LINGO2: variants seen among roughly 807,000 people sequenced by gnomAD.
LINGO2 encodes the protein leucine-rich repeat and immunoglobulin-like domain-containing nogo receptor-interacting protein 2.
Under a neutral mutation model 30.6 loss-of-function variants are expected in LINGO2, and 14 were observed. The observed-to-expected ratio is 0.46, with a 90% CI of 0.30 to 0.72. The LOEUF is 0.72. Among genes scored for constraint, LINGO2 ranks in the 30% least tolerant of loss-of-function variants. The pLI is 0.07. For missense variants in LINGO2, 729 were observed against 751.7 expected (o/e 0.97, Z 0.35); for synonymous variants, 317 against 288.5 (o/e 1.10, Z -1.00).
the LINGO2 span, among the ~76,000 whole-genome samples, chr9:28,740,752 A>G: frequency 6.6e-6 from 1 of 152,070 alleles, no homozygotes; most frequent in Non-Finnish European, 1.5e-5. Flanking sequence ...GGATGATTCA[A>G]TTGAGCTAAT....
At chr9:28,848,900 T>A in the LINGO2 span, among the ~76,000 whole-genome samples, 3 of 152,106 alleles carry the variant, frequency 2.0e-5, no homozygotes, top group East Asian at 5.8e-4. Context: ...ATGTTGCAAT[T>A]CTAACCCCTA....
the LINGO2 span, among the ~76,000 whole-genome samples, chr9:28,944,705 C>A: frequency 1.3e-5 from 2 of 152,156 alleles, no homozygotes; most frequent in African/African-American, 4.8e-5. Context: ...CACACCTGGC[C>A]GCTTTTGTTC....
chr9:28,785,629 C>A, the LINGO2 span, among the ~76,000 whole-genome samples: 1 of 149,310 alleles, frequency 6.7e-6, no homozygotes, highest in African/African-American at 2.5e-5. Flanking sequence ...TCTTTCCCTG[C>A]CCTCCCTCCC....
chr9:27,998,542 G>A (rs568118071), intron 5 of LINGO2, among the ~76,000 whole-genome samples: 28 of 152,292 alleles, frequency 1.8e-4, no homozygotes, highest in Admixed American at 1.5e-3. Context: ...ACTTTGGGAT[G>A]CCAAGGCAGG....
At chr9:29,050,520 G>A in the LINGO2 span, among the ~76,000 whole-genome samples, 1 of 152,178 alleles carries the variant, frequency 6.6e-6, no homozygotes, top group African/African-American at 2.4e-5. Context: ...AACGAGACTG[G>A]TTACCTATAG....
chr9:28,631,694 C>T (rs1285165186), intron 1 of LINGO2, among the ~76,000 whole-genome samples: 1 of 152,010 alleles, frequency 6.6e-6, no homozygotes, highest in South Asian at 2.1e-4. Context: ...CAAACAGAAG[C>T]ACATATGTTG....
the LINGO2 span, among the ~76,000 whole-genome samples, chr9:28,815,940 G>A: frequency 2.6e-5 from 4 of 152,130 alleles, no homozygotes; most frequent in Admixed American, 6.5e-5. Context: ...ATAAACAATA[G>A]AAGTTTAATT....
chr9:28,044,943 G>A (rs922126808), intron 4 of LINGO2, among the ~76,000 whole-genome samples: 1 of 152,086 alleles, frequency 6.6e-6, no homozygotes, highest in African/African-American at 2.4e-5. Context: ...AACTGATAAA[G>A]ATGGTTAGAC....
At chr9:28,507,668 G>A (rs1247737849) in intron 1 of LINGO2, among the ~76,000 whole-genome samples, 2 of 152,066 alleles carry the variant, frequency 1.3e-5, no homozygotes, top group African/African-American at 4.8e-5. Context: ...AAAACTTTAT[G>A]TATTGGTATT....
chr9:27,995,366 C>T (rs112287868), intron 5 of LINGO2, among the ~76,000 whole-genome samples: 4 of 152,186 alleles, frequency 2.6e-5, no homozygotes, highest in African/African-American at 9.6e-5. Context: ...AAAAGAAATA[C>T]TTCTAAACTC....
At chr9:28,868,069 ATCTTTCCT>A in the LINGO2 span, among the ~76,000 whole-genome samples, 194 of 152,184 alleles carry the variant, frequency 1.3e-3, no homozygotes, top group African/African-American at 4.4e-3. Context: ...TCAATTACAA[ATCTTTCCT>A]TTCTTACTCA....
chr9:28,035,273 T>G lies in LINGO2; in HGVS notation c.-86-22868A>C, dbSNP rs1265811557. Among the ~76,000 whole-genome samples the G allele has an allele frequency of 2.0e-5, 3 of 152,150 alleles. No homozygotes were observed. The East Asian group carries it at 5.8e-4, about 30-fold the overall frequency. ...TTCAGAGGGATTTGTATAGGCAAAATAGATAAAGCCATATATTTCCTTATA... is the reference window on the plus strand; with the variant it reads ...TTCAGAGGGATTTGTATAGGCAAAAGAGATAAAGCCATATATTTCCTTATA... On this transcript the variant is annotated intron_variant, in intron 4 of 5. Transcript: ENST00000379992.
At chr9:28,082,263 T>C (rs1825792864) in intron 4 of LINGO2, among the ~76,000 whole-genome samples, 1 of 152,162 alleles carries the variant, frequency 6.6e-6, no homozygotes, top group Non-Finnish European at 1.5e-5. Context: ...TTTTGAAAGA[T>C]CTCAACTCTA....
chr9:28,037,684 T>A (rs1266691741), intron 4 of LINGO2, among the ~76,000 whole-genome samples: 1 of 152,238 alleles, frequency 6.6e-6, no homozygotes, highest in African/African-American at 2.4e-5. Flanking sequence ...CAGCCAGAAT[T>A]GCCATGGAAG....
chr9:28,793,614 A>T, the LINGO2 span, among the ~76,000 whole-genome samples: 1 of 152,344 alleles, frequency 6.6e-6, no homozygotes, highest in South Asian at 2.1e-4. Flanking sequence ...AACCTTCAGA[A>T]GCAAACAAAG....
intron 5 of LINGO2, among the ~76,000 whole-genome samples, chr9:28,001,520 G>A (rs942654562): frequency 5.6e-5 from 8 of 141,770 alleles, no homozygotes; most frequent in Admixed American, 2.2e-4. Flanking sequence ...AATCTTCTGC[G>A]CCTGTGTTAC....
intron 2 of LINGO2, among the ~76,000 whole-genome samples, chr9:28,462,668 T>G (rs945096577): frequency 6.6e-6 from 1 of 152,048 alleles, no homozygotes; most frequent in East Asian, 1.9e-4. Flanking sequence ...TAATCATAAT[T>G]CTTGCTCACA....
At chr9:29,027,518 A>C in the LINGO2 span, among the ~76,000 whole-genome samples, 1 of 152,064 alleles carries the variant, frequency 6.6e-6, no homozygotes, top group South Asian at 2.1e-4. Context: ...TTGTATTTTT[A>C]GTAGAGAAGA....
intron 5 of LINGO2, among the ~76,000 whole-genome samples, chr9:28,004,591 A>G (rs1298591801): frequency 2.0e-5 from 3 of 152,076 alleles, no homozygotes; most frequent in South Asian, 4.1e-4. Flanking sequence ...AGTTGATGAC[A>G]TATCAACTAA....
Sources: allele counts gnomAD v4.1 joint callset (sites outside exome capture counted in the v4.1 genomes callset), GRCh38; gene constraint gnomAD v4.1.1; transcripts MANE v1.5; gene names NCBI Gene and HGNC (gene_info 2026-07-23, HGNC 2026-07-21).